Variants in HERPUD2 observed in about 807,000 individuals in gnomAD.
HERPUD2 encodes homocysteine-responsive endoplasmic reticulum-resident ubiquitin-like domain member 2 protein.
A neutral mutation model predicts 49.9 loss-of-function variants in HERPUD2; 13 were observed. That is an observed-to-expected ratio of 0.26 (90% CI 0.17 to 0.41). HERPUD2 has a LOEUF of 0.41. Among genes scored for constraint, HERPUD2 ranks in the 10% least tolerant of loss-of-function variants. The pLI is 1.00. For synonymous variants in HERPUD2, 172 were observed against 171.4 expected, an observed-to-expected ratio of 1.00 and a Z score of -0.03; for missense variants, 449 against 492.2, an observed-to-expected ratio of 0.91 and a Z score of 0.83.
intron 6 of HERPUD2, among the ~76,000 whole-genome samples, chr7:35,637,680 C>T (rs1346579538): frequency 2.0e-5 from 3 of 152,144 alleles, no homozygotes; most frequent in Non-Finnish European, 2.9e-5. Flanking sequence ...TAAATCCCAT[C>T]CTCTCTACCG....
chr7:35,633,841 A>T lies in HERPUD2; in HGVS notation c.1070T>A (p.Met357Lys). The T allele has an allele frequency of 6.2e-7, 1 of 1,613,236 alleles. No homozygotes were observed. Among genetic ancestry groups the T allele is most frequent in the South Asian group, 1.1e-5 (1 of 90,868 alleles). The change falls in exon 9 of 9, where the codon ATG (methionine) becomes AAG (lysine). Residue 357 changes from methionine (M) to lysine (K), a missense_variant. Coordinates refer to ENST00000311350, the MANE Select transcript of HERPUD2 (RefSeq NM_022373.5). ...NLELEEMERL[M>K]DDGLEDESGE... is the part of the protein sequence containing the mutation. ...ACTCTCATCTTCAAGCCCATCATCC[A>T]TAAGACGCTCCTTTCAAGCAAAACA...
chr7:35,659,432 T>A (rs1170218273), intron 5 of HERPUD2, among the ~76,000 whole-genome samples: 1 of 152,240 alleles, frequency 6.6e-6, no homozygotes, highest in Non-Finnish European at 1.5e-5. Flanking sequence ...CTTATAAATG[T>A]TTGCTGAATG....
In HERPUD2 at chr7:35,653,562, T is replaced by A. The variant is rs187736092; in HGVS notation, c.494+13872A>T. 3.3e-5 allele frequency among the ~76,000 whole-genome samples: 5 copies of A among 152,266 alleles called. No homozygotes were observed. The East Asian group carries it at 9.6e-4, about 29-fold the overall frequency. The stretch of plus-strand genomic sequence containing the variant: ...AACTGCACTTTAGACCAAATGGACA[T>A]AACAGACATTTACAGAACATTTCAT... On this transcript the variant is annotated intron_variant, in intron 5 of 8. Coordinates refer to ENST00000311350, the MANE Select transcript of HERPUD2 (RefSeq NM_022373.5).
Position 35,633,777 on chromosome 7 carries a change from C to A in HERPUD2, c.1134G>T (p.Arg378Ser), listed in dbSNP as rs765604207. 1 of 1,614,028 alleles carries A rather than the reference C, an allele frequency of 6.2e-7. No individual in the cohort carries two copies. The highest frequency in any genetic ancestry group is 1.1e-5 in the South Asian group (1 of 91,066). The change falls in exon 9 of 9, where the codon AGG becomes AGT. Residue 378 changes from arginine (R) to serine (S), a missense_variant. Transcript: ENST00000311350. ...ACCAAGCTGAAGCCATTAATCCAGG[C>A]CTTTGAATTGCACTGGCATCTTCAC... ...DGGEDASAIQRPGLMASAWSF... is the reference protein window; with the variant it reads ...DGGEDASAIQSPGLMASAWSF...
At position 35,682,339 on chromosome 7, in the gene HERPUD2, GTGTGTGTGTGTGTGTGTGTATA is replaced by G. The variant is rs1562686237; in HGVS notation, c.148-9083_148-9062del. ...TACACATACACACGTGTGTGTGTGT[GTGTGTGTGTGTGTGTGTGTATA>G]TATATATATATATATATATATATAT... is the stretch of plus-strand genomic sequence containing the variant. On this transcript the variant is annotated intron_variant, in intron 2 of 8. Transcript: ENST00000311350. 1.4e-3 allele frequency among the ~76,000 whole-genome samples: 31 copies of G among 22,716 alleles called. 4 individuals are homozygous for G. Among genetic ancestry groups the G allele is most frequent in the South Asian group, 2.9e-3 (2 of 682 alleles). 14.9% of individuals were successfully genotyped at this position (22,716 alleles called of 152,430 possible). A position where few individuals can be genotyped will look rare whatever the true frequency, so the allele number is the denominator to read the frequency against.
Position 35,690,512 on chromosome 7 carries a change from C to T in HERPUD2, c.147+3672G>A, listed in dbSNP as rs138495792. On this transcript the variant is annotated intron_variant, in intron 2 of 8. Coordinates refer to ENST00000311350, the MANE Select transcript of HERPUD2 (RefSeq NM_022373.5). Reference sequence around the variant, plus strand: ...AAAGTCATCAGTGCAAACATTAACTCCAAAAGAATAGTTAAGGCCGGGAGT... The same window carrying T: ...AAAGTCATCAGTGCAAACATTAACTTCAAAAGAATAGTTAAGGCCGGGAGT... Among the ~76,000 whole-genome samples, 219 of 152,290 alleles carry T rather than the reference C, an allele frequency of 1.4e-3. 1 individual carries two copies. The highest frequency in any genetic ancestry group is 5.2e-3 in the African/African-American group (215 of 41,556).
intron 6 of HERPUD2, among the ~76,000 whole-genome samples, chr7:35,636,521 C>T (rs368514853): frequency 9.2e-5 from 14 of 152,288 alleles, no homozygotes; most frequent in Middle Eastern, 3.4e-3. Flanking sequence ...GCATAATAAG[C>T]CCCCCTTATC....
chr7:35,649,396 C>T (rs921797478), intron 5 of HERPUD2, among the ~76,000 whole-genome samples: 4 of 151,994 alleles, frequency 2.6e-5, no homozygotes, highest in African/African-American at 9.7e-5. Flanking sequence ...AGGATAGTTA[C>T]TAAAACGTTA....
intron 6 of HERPUD2, 46 bp from the exon 7 acceptor site, chr7:35,635,504 A>C: frequency 6.7e-7 from 1 of 1,492,866 alleles, no homozygotes. Context: ...AAAAAACTTT[A>C]CCATACCATA....
intron 5 of HERPUD2, among the ~76,000 whole-genome samples, chr7:35,651,557 C>T (rs1263248030): frequency 6.6e-6 from 1 of 152,084 alleles, no homozygotes; most frequent in African/African-American, 2.4e-5. Context: ...ACCCGAACAC[C>T]ACCATAGACC....
intron 6 of HERPUD2, 26 bp downstream of exon 6, chr7:35,638,324 T>C (rs1583536183): frequency 6.4e-7 from 1 of 1,561,704 alleles, no homozygotes. Context: ...CTGAGTAACT[T>C]AAAAAATGAA....
Position 35,667,418 on chromosome 7 carries a change from C to T in HERPUD2, c.494+16G>A, listed in dbSNP as rs1169565257. Reference sequence around the variant, plus strand: ...GGGCCCCAATCACATTCCATAGCTACCACAATTTCACTTACCCTTGCATTA... The same window carrying T: ...GGGCCCCAATCACATTCCATAGCTATCACAATTTCACTTACCCTTGCATTA... On this transcript the variant is annotated intron_variant, in intron 5 of 8. Coordinates refer to ENST00000311350, the MANE Select transcript of HERPUD2 (RefSeq NM_022373.5). The T allele has an allele frequency of 6.2e-7, 1 of 1,600,148 alleles. No homozygotes were observed. Among genetic ancestry groups the T allele is most frequent in the African/African-American group, 1.3e-5 (1 of 74,874 alleles).
At chr7:35,662,662 A>T (rs1785449604) in intron 5 of HERPUD2, among the ~76,000 whole-genome samples, 1 of 152,188 alleles carries the variant, frequency 6.6e-6, no homozygotes, top group South Asian at 2.1e-4. Context: ...TTATTTGCGT[A>T]GAGGTGTTTA....
intron 5 of HERPUD2, among the ~76,000 whole-genome samples, chr7:35,664,993 G>A (rs1273428534): frequency 2.0e-5 from 3 of 152,088 alleles, no homozygotes; most frequent in Non-Finnish European, 4.4e-5. Context: ...ATCTCAGAGG[G>A]GCACCCAGCC....
At chr7:35,641,154 T>G (rs1372426565) in intron 5 of HERPUD2, among the ~76,000 whole-genome samples, 1 of 152,208 alleles carries the variant, frequency 6.6e-6, no homozygotes, top group Non-Finnish European at 1.5e-5. Flanking sequence ...CAACTATTAA[T>G]TAAAGCAAAG....
At position 35,673,192 on chromosome 7, in the gene HERPUD2, A is replaced by G. The variant is rs752923035; in HGVS notation, c.225+9T>C. 2.5e-6 allele frequency: 4 copies of G among 1,606,286 alleles called. No individual in the cohort carries two copies. Among genetic ancestry groups the G allele is most frequent in the Non-Finnish European group, 3.4e-6 (4 of 1,174,666 alleles). ...GTATCTGGTATCAAATAGTGGTAGA[A>G]AAGCTTACTTTTCTGAGAATGTCTT... On this transcript the variant is annotated intron_variant, in intron 3 of 8. Transcript: ENST00000311350.
intron 5 of HERPUD2, among the ~76,000 whole-genome samples, chr7:35,642,300 T>A (rs1223590105): frequency 4.6e-5 from 7 of 151,986 alleles, no homozygotes; most frequent in Non-Finnish European, 8.8e-5. Context: ...ATTAAAAAGT[T>A]AAAAAATAAC....
intron 2 of HERPUD2, among the ~76,000 whole-genome samples, chr7:35,693,917 T>G (rs2116070424): frequency 6.6e-6 from 1 of 152,288 alleles, no homozygotes; most frequent in East Asian, 1.9e-4. Context: ...ATTACAGGTG[T>G]GAGCCACCGC....
intron 5 of HERPUD2, among the ~76,000 whole-genome samples, chr7:35,666,102 A>T (rs1426397754): frequency 1.3e-5 from 2 of 152,246 alleles, no homozygotes; most frequent in African/African-American, 4.8e-5. Context: ...AAAGAAAGGA[A>T]GTGAATTACT....
Sources: allele counts gnomAD v4.1 joint callset (sites outside exome capture counted in the v4.1 genomes callset), GRCh38; gene constraint gnomAD v4.1.1; transcripts MANE v1.5; gene names NCBI Gene and HGNC (gene_info 2026-07-23, HGNC 2026-07-21).